TRIP12: variants seen among roughly 807,000 people sequenced by gnomAD.
The protein encoded by TRIP12 is thyroid hormone receptor interactor 12.
A neutral mutation model predicts 244.2 loss-of-function variants in TRIP12; 25 were observed. That is an observed-to-expected ratio of 0.10 (90% confidence interval 0.07 to 0.14). TRIP12 has a LOEUF of 0.14. Among genes scored for constraint, TRIP12 ranks in the 10% least tolerant of loss-of-function variants. TRIP12 has a pLI of 1.00. For synonymous variants in TRIP12, 905 were observed against 873.1 expected, an observed-to-expected ratio of 1.04 and a Z score of -0.64; for missense variants, 1,677 against 2,486.4, an observed-to-expected ratio of 0.67 and a Z score of 6.92.
chr2:229,831,495 G>C (rs996284743), intron 6 of TRIP12, among the ~76,000 whole-genome samples: 1 of 152,148 alleles, frequency 6.6e-6, no homozygotes, highest in Non-Finnish European at 1.5e-5. Context: ...GCAATATAGT[G>C]AGACTTGTAG....
rs556788733 is a variant in TRIP12, at chr2:229,857,591, A to G, written c.1027+1181T>C. Among the ~76,000 whole-genome samples the G allele has an allele frequency of 7.9e-5, 12 of 151,538 alleles. No individual in the cohort carries two copies. In the South Asian group the frequency reaches 2.5e-3, roughly 32 times the overall value. On this transcript the variant is annotated intron_variant, in intron 4 of 41. Coordinates refer to ENST00000675903, the MANE Select transcript of TRIP12 (RefSeq NM_001348323.3). ...GGTTGCAGTGAGCCAAGATCGTACCACTCACACCACTACTCCATCCTGGGC... is the reference window on the plus strand; with the variant it reads ...GGTTGCAGTGAGCCAAGATCGTACCGCTCACACCACTACTCCATCCTGGGC...
chr2:229,811,995 A>C (rs887114459), intron 13 of TRIP12, among the ~76,000 whole-genome samples: 1 of 152,222 alleles, frequency 6.6e-6, no homozygotes, highest in Admixed American at 6.5e-5. Flanking sequence ...CTTTTATCTT[A>C]TTTCTAAAGA....
In TRIP12 at chr2:229,766,844, TA is replaced by T. The variant is rs1345812878; in HGVS notation, c.*709del. On this transcript the variant is annotated 3_prime_UTR_variant, in exon 42 of 42. Transcript: ENST00000675903. ...ACCTGGGAAAAAGCCAGTAATACCCTAAACTATATTAAAACTAAACTATAAG... is the reference window on the plus strand; with the variant it reads ...ACCTGGGAAAAAGCCAGTAATACCCTAACTATATTAAAACTAAACTATAAG... The T allele has an allele frequency of 6.6e-6, 1 of 152,184 alleles. No homozygotes were observed. Among genetic ancestry groups the T allele is most frequent in the African/African-American group, 2.4e-5 (1 of 41,442 alleles). The allele number at this position is 152,184 out of a possible 1,614,324, so 9.4% of individuals were successfully genotyped here. A position where few individuals can be genotyped will look rare whatever the true frequency, so the allele number is the denominator to read the frequency against.
At chr2:229,875,325 G>A (rs1164122899) in intron 2 of TRIP12, among the ~76,000 whole-genome samples, 1 of 152,166 alleles carries the variant, frequency 6.6e-6, no homozygotes, top group Non-Finnish European at 1.5e-5. Context: ...TGATTTGGGA[G>A]AAAGGCACAA....
At chr2:229,886,466 A>ATT (rs11430240) in intron 1 of TRIP12, among the ~76,000 whole-genome samples, 3 of 144,632 alleles carry the variant, frequency 2.1e-5, no homozygotes, top group Non-Finnish European at 3.1e-5. Flanking sequence ...TAAAAATAGC[A>ATT]TTTTTTTTTT....
At chr2:229,809,258 C>A (rs1193555444) in intron 15 of TRIP12, among the ~76,000 whole-genome samples, 1 of 151,822 alleles carries the variant, frequency 6.6e-6, no homozygotes, top group Non-Finnish European at 1.5e-5. Flanking sequence ...AGTTTTGCAA[C>A]TTTATAGAGA....
intron 8 of TRIP12, among the ~76,000 whole-genome samples, chr2:229,823,607 C>T (rs1172295407): frequency 6.6e-6 from 1 of 151,206 alleles, no homozygotes; most frequent in Non-Finnish European, 1.5e-5. Context: ...ACCCGGGAGG[C>T]GGAGCTTGCA....
chr2:229,861,777 A>C (rs1394183184), intron 2 of TRIP12, among the ~76,000 whole-genome samples: 1 of 152,222 alleles, frequency 6.6e-6, no homozygotes, highest in Non-Finnish European at 1.5e-5. Context: ...TAGCTTCTTA[A>C]GAAAGGAAAT....
At chr2:229,893,264 T>C (rs1316435105) in intron 1 of TRIP12, among the ~76,000 whole-genome samples, 3 of 152,236 alleles carry the variant, frequency 2.0e-5, no homozygotes, top group Admixed American at 1.3e-4. Flanking sequence ...CATTATACTT[T>C]ATGTATCATA....
chr2:229,774,445 G>T (rs887120091), intron 37 of TRIP12, among the ~76,000 whole-genome samples, 184 bp from the exon 38 acceptor site: 1 of 152,146 alleles, frequency 6.6e-6, no homozygotes, highest in Non-Finnish European at 1.5e-5. Flanking sequence ...GATTACAAAG[G>T]AAGTAAGCAT....
chr2:229,777,678 T>TAA (rs1377291346), intron 36 of TRIP12, among the ~76,000 whole-genome samples, 199 bp from the exon 37 acceptor site: 2 of 152,232 alleles, frequency 1.3e-5, no homozygotes, highest in African/African-American at 2.4e-5. Context: ...ATTTCCACTG[T>TAA]AGTCTGTATT....
At chr2:229,850,349 C>A (rs965515007) in intron 4 of TRIP12, among the ~76,000 whole-genome samples, 1 of 152,148 alleles carries the variant, frequency 6.6e-6, no homozygotes, top group Non-Finnish European at 1.5e-5. Context: ...TTTTTCAAAG[C>A]GGTCACATAT....
intron 2 of TRIP12, among the ~76,000 whole-genome samples, chr2:229,877,829 G>A (rs1406218346): frequency 6.6e-6 from 1 of 152,140 alleles, no homozygotes; most frequent in African/African-American, 2.4e-5. Flanking sequence ...TATAAGTGTG[G>A]AATTATGTTT....
chr2:229,837,093 C>T, intron 5 of TRIP12, 109 bp from the exon 6 acceptor site: 1 of 1,193,450 alleles, frequency 8.4e-7, no homozygotes, highest in East Asian at 2.9e-5. Flanking sequence ...TCTTCTTCGT[C>T]CTCTTTTTAA....
intron 5 of TRIP12, among the ~76,000 whole-genome samples, chr2:229,838,021 A>C (rs948864640): frequency 6.6e-6 from 1 of 152,194 alleles, no homozygotes. Context: ...AAGCTCCCCA[A>C]ATTATCTCAA....
At chr2:229,799,561 G>C (rs1160019328) in intron 21 of TRIP12, among the ~76,000 whole-genome samples, 178 bp from the exon 22 acceptor site, 3 of 152,182 alleles carry the variant, frequency 2.0e-5, no homozygotes, top group African/African-American at 4.8e-5. Flanking sequence ...CAGATCACGA[G>C]GTCAGGAGAT....
chr2:229,786,073 T>C (rs760047375), intron 33 of TRIP12, among the ~76,000 whole-genome samples: 7 of 152,210 alleles, frequency 4.6e-5, no homozygotes, highest in African/African-American at 7.2e-5. Context: ...GCAAGAGTAA[T>C]TACTAATTTA....
At position 229,902,253 on chromosome 2, in the gene TRIP12, C is replaced by T. The variant is rs1242834202; in HGVS notation, c.-50+19627G>A. Among the ~76,000 whole-genome samples, 4 of 151,920 alleles carry T rather than the reference C, an allele frequency of 2.6e-5. No individual in the cohort carries two copies. In the South Asian group the frequency reaches 6.2e-4, roughly 24 times the overall value. On this transcript the variant is annotated intron_variant, in intron 1 of 41. Transcript: ENST00000675903. ...ACAAAAATTAGCTGGGCATAGTGGTCGTGCCTACAGTCCCAGCTACTCGGG... is the reference window on the plus strand; with the variant it reads ...ACAAAAATTAGCTGGGCATAGTGGTTGTGCCTACAGTCCCAGCTACTCGGG...
chr2:229,791,970 T>A lies in TRIP12; in HGVS notation c.4311A>T (p.Ala1437=), dbSNP rs779689132. 12 of 1,614,088 alleles carry A rather than the reference T, an allele frequency of 7.4e-6. No individual in the cohort carries two copies. The highest frequency in any genetic ancestry group is 1.0e-5 in the Non-Finnish European group (12 of 1,180,022). Residue 1437 remains alanine, a synonymous_variant, in exon 29 of 42, where the codon GCA becomes GCT. Transcript: ENST00000675903. The stretch of plus-strand genomic sequence containing the variant: ...CAGCCTGTATACTAAACTGCCGTAC[T>A]GCCTGATACACAGTCATGTTATACG... ...LLPYNMTVYQ[A]VRQFSIQAED...
Sources: gnomAD v4.1 joint callset for allele counts (sites outside exome capture counted in the v4.1 genomes callset) on GRCh38, gnomAD v4.1.1 for gene constraint, MANE v1.5 for transcripts, NCBI Gene and HGNC (gene_info 2026-07-23, HGNC 2026-07-21) for gene names.